Variants in HECW1 observed in about 807,000 individuals in gnomAD.
The protein encoded by HECW1 is E3 ubiquitin-protein ligase HECW1.
HECW1 carries 61 observed loss-of-function variants against 182.3 expected under a neutral mutation model. That is an observed-to-expected ratio of 0.33 (90% confidence interval 0.27 to 0.41). HECW1 has a LOEUF of 0.41. HECW1 is among the 10% of genes least tolerant of loss of function. HECW1 has a pLI of 1.00. For synonymous variants in HECW1, 859 were observed against 832.6 expected (o/e 1.03, Z -0.55); for missense variants, 1,739 against 2,108.9 (o/e 0.82, Z 3.44).
intron 2 of HECW1, among the ~76,000 whole-genome samples, chr7:43,123,180 A>T (rs1398806008): frequency 1.3e-5 from 2 of 152,328 alleles, no homozygotes; most frequent in Non-Finnish European, 2.9e-5. Flanking sequence ...GGGGGCCATT[A>T]CCACGATGAA....
chr7:43,294,670 G>C (rs1274731437), intron 3 of HECW1, among the ~76,000 whole-genome samples: 1 of 152,216 alleles, frequency 6.6e-6, no homozygotes, highest in African/African-American at 2.4e-5. Flanking sequence ...GACATTGGGA[G>C]AGCCTAGTCT....
intron 3 of HECW1, among the ~76,000 whole-genome samples, chr7:43,266,696 A>T (rs570167933): frequency 6.6e-5 from 10 of 152,316 alleles, no homozygotes; most frequent in Middle Eastern, 3.4e-3. Context: ...CAAATAAAAT[A>T]TATATTTTTA....
At chr7:43,262,150 G>A (rs1012937417) in intron 3 of HECW1, among the ~76,000 whole-genome samples, 1 of 152,164 alleles carries the variant, frequency 6.6e-6, no homozygotes, top group African/African-American at 2.4e-5. Context: ...GAACCCAGGA[G>A]ATGGAGGTTG....
chr7:43,341,250 G>A (rs1225773142), intron 5 of HECW1, among the ~76,000 whole-genome samples: 2 of 151,364 alleles, frequency 1.3e-5, no homozygotes, highest in South Asian at 4.1e-4. Context: ...CATTGCACAT[G>A]TATAACTATG....
rs1483941787 is a variant in HECW1, at chr7:43,444,366, G to C, written c.1194G>C (p.Glu398Asp). 2 of 1,614,118 alleles carry C rather than the reference G, an allele frequency of 1.2e-6. No homozygotes were observed. Among genetic ancestry groups the C allele is most frequent in the South Asian group, 2.2e-5 (2 of 91,064 alleles). The change falls in exon 11 of 30, where the codon GAG (glutamate) becomes GAC (aspartate). Residue 398 changes from glutamate to aspartate, a missense_variant. Physicochemically the swap from Glu to Asp is conservative, Grantham distance 45. Transcript: ENST00000395891. The surrounding 1 kb of genome is among the most constrained non-coding windows in gnomAD (Gnocchi z 4.3). ...SESWKPEQLG[E>D]GSVPDGPGNQ... Reference sequence around the variant, plus strand: ...GCTGGAAGCCAGAGCAGCTGGGTGAGGGCAGTGTCCCCGATGGTCCAGGGA... The same window carrying C: ...GCTGGAAGCCAGAGCAGCTGGGTGACGGCAGTGTCCCCGATGGTCCAGGGA...
At chr7:43,279,223 A>C (rs780430604) in intron 3 of HECW1, among the ~76,000 whole-genome samples, 1 of 152,202 alleles carries the variant, frequency 6.6e-6, no homozygotes, top group Non-Finnish European at 1.5e-5. Context: ...AACTGACTGA[A>C]TAAGTTTTAT....
chr7:43,388,234 C>T (rs2074878985), intron 6 of HECW1, among the ~76,000 whole-genome samples: 1 of 152,226 alleles, frequency 6.6e-6, no homozygotes, highest in Non-Finnish European at 1.5e-5. Context: ...ATTCAACATG[C>T]ATTCCTGAAT....
chr7:43,146,214 G>A (rs980538828), intron 2 of HECW1, among the ~76,000 whole-genome samples: 2 of 152,008 alleles, frequency 1.3e-5, no homozygotes, highest in Non-Finnish European at 2.9e-5. Flanking sequence ...CTCCACCTTG[G>A]CACTATTGAC....
intron 16 of HECW1, among the ~76,000 whole-genome samples, chr7:43,478,190 G>C (rs1013131139): frequency 2.6e-5 from 4 of 152,204 alleles, no homozygotes; most frequent in African/African-American, 9.7e-5. Context: ...GGCGAGGTGG[G>C]CAGATCACCT....
At chr7:43,492,624 C>T (rs987606528) in intron 18 of HECW1, among the ~76,000 whole-genome samples, 1 of 152,142 alleles carries the variant, frequency 6.6e-6, no homozygotes, top group Non-Finnish European at 1.5e-5. Flanking sequence ...CCACTTGTAT[C>T]GAGGAAAATG....
In HECW1 at chr7:43,445,052, C is replaced by A; in HGVS notation, c.1880C>A (p.Thr627Lys). ...GAGCCCGAGGGGGCTACTCCAGGCA[C>A]GGCGCACCCTGGCCACTCCGGGGGC... ...REEPEGATPG[T>K]AHPGHSGGHF... Residue 627 changes from threonine (T) to lysine (K), a missense_variant, in exon 11 of 30, where the codon ACG becomes AAG. Physicochemically the swap from Thr to Lys is moderately conservative, Grantham distance 78 (BLOSUM62 -1). Around this residue, in one of 5 missense-constraint regions of HECW1, gnomAD observed 971 missense variants for 1,029.1 expected, o/e 0.94. Coordinates refer to ENST00000395891, the MANE Select transcript of HECW1 (RefSeq NM_015052.5). 6.3e-7 allele frequency: 1 copy of A among 1,580,108 alleles called. No individual in the cohort carries two copies. Among genetic ancestry groups the A allele is most frequent in the Non-Finnish European group, 8.6e-7 (1 of 1,163,376 alleles).
chr7:43,123,342 A>T (rs1184453299), intron 2 of HECW1, among the ~76,000 whole-genome samples: 1 of 152,076 alleles, frequency 6.6e-6, no homozygotes, highest in Non-Finnish European at 1.5e-5. Flanking sequence ...GCTTAAACTT[A>T]ATTTTACCAA....
At chr7:43,151,364 C>T (rs1253517295) in intron 2 of HECW1, among the ~76,000 whole-genome samples, 1 of 152,200 alleles carries the variant, frequency 6.6e-6, no homozygotes, top group African/African-American at 2.4e-5. Flanking sequence ...GATTGATTTA[C>T]ACTTTTCTTT....
chr7:43,546,090 T>G (rs61574015), intron 26 of HECW1, among the ~76,000 whole-genome samples: 51,623 of 151,770 alleles, frequency 0.34, 8,739 homozygotes, highest in Middle Eastern at 0.41. Flanking sequence ...CTTCTTCCCC[T>G]TCTGAACCTG....
At chr7:43,170,574 C>G (rs372031529) in intron 2 of HECW1, among the ~76,000 whole-genome samples, 4 of 152,170 alleles carry the variant, frequency 2.6e-5, no homozygotes, top group African/African-American at 9.7e-5. Flanking sequence ...AGGGACAGCA[C>G]ACTCTCACTG....
chr7:43,174,668 G>GA (rs1354134669), intron 2 of HECW1, among the ~76,000 whole-genome samples: 1 of 151,794 alleles, frequency 6.6e-6, no homozygotes, highest in Non-Finnish European at 1.5e-5. Context: ...CTTTCCTTAT[G>GA]AAAAAAGGCT....
chr7:43,382,050 C>A (rs2074574279), intron 6 of HECW1, among the ~76,000 whole-genome samples: 1 of 152,032 alleles, frequency 6.6e-6, no homozygotes, highest in Non-Finnish European at 1.5e-5. Context: ...CTTTGGGAGG[C>A]CAAGGCAGAT....
At chr7:43,406,304 G>T (rs561539007) in intron 7 of HECW1, among the ~76,000 whole-genome samples, 1 of 152,044 alleles carries the variant, frequency 6.6e-6, no homozygotes, top group Non-Finnish European at 1.5e-5. Context: ...CTCCTTCTTT[G>T]GTTTCTCAAC....
In HECW1 at chr7:43,483,990, A is replaced by G. The variant is rs145310933; in HGVS notation, c.3234+4246A>G. Among the ~76,000 whole-genome samples the G allele has an allele frequency of 2.2e-4, 33 of 152,290 alleles. No individual in the cohort carries two copies. In the East Asian group the frequency reaches 5.6e-3, roughly 26 times the overall value. On this transcript the variant is annotated intron_variant, in intron 17 of 29. Transcript: ENST00000395891. ...GAGGCCGAGTTGAGGTGACAAAGAG[A>G]AAACAAAGGGCAGCCCATAGGGAGA...
Sources: allele counts gnomAD v4.1 joint callset (sites outside exome capture counted in the v4.1 genomes callset), GRCh38; gene constraint gnomAD v4.1.1; regional missense constraint gnomAD v4.1.1; non-coding constraint Gnocchi (gnomAD v3.1); transcripts MANE v1.5; gene names NCBI Gene and HGNC (gene_info 2026-07-23, HGNC 2026-07-21).